The following SPON1 variants were observed in gnomAD, a reference collection of about 807,000 sequenced individuals.
The protein encoded by SPON1 is spondin 1.
SPON1 carries 52 observed loss-of-function variants against 111.7 expected under a neutral mutation model. That is an observed-to-expected ratio of 0.47 (90% CI 0.37 to 0.59). The LOEUF (loss-of-function observed/expected upper bound fraction) is 0.59. SPON1 is among the 20% of genes least tolerant of loss of function. The pLI is 0.00. For synonymous variants in SPON1, 410 were observed against 395.8 expected, an observed-to-expected ratio of 1.04 and a Z score of -0.43; for missense variants, 957 against 1,068.5, an observed-to-expected ratio of 0.90 and a Z score of 1.46.
chr11:14,127,054 A>C (rs1847467958), intron 5 of SPON1, among the ~76,000 whole-genome samples: 1 of 152,152 alleles, frequency 6.6e-6, no homozygotes, highest in Non-Finnish European at 1.5e-5. Flanking sequence ...TGCCTTACAG[A>C]AATGTGTCTG....
At chr11:14,254,258 G>T (rs1554940930) in intron 7 of SPON1, among the ~76,000 whole-genome samples, 1 of 152,210 alleles carries the variant, frequency 6.6e-6, no homozygotes, top group Non-Finnish European at 1.5e-5. Flanking sequence ...TCCAGCCTGG[G>T]TGACAGAGCA....
chr11:14,190,795 C>T (rs1026721983), intron 6 of SPON1, among the ~76,000 whole-genome samples: 5 of 151,834 alleles, frequency 3.3e-5, no homozygotes, highest in East Asian at 3.9e-4. Flanking sequence ...GGCCCGCCAC[C>T]GTGCCCAGCT....
chr11:13,980,028 C>CT (rs1321518598), intron 1 of SPON1, among the ~76,000 whole-genome samples: 1 of 151,338 alleles, frequency 6.6e-6, no homozygotes, highest in Non-Finnish European at 1.5e-5. Context: ...CTTTATTGTG[C>CT]TTTTTTTCCC....
At position 14,160,847 on chromosome 11, in the gene SPON1, ATATT is replaced by A. The variant is rs1564919595; in HGVS notation, c.825+25283_825+25286del. Among the ~76,000 whole-genome samples the A allele has an allele frequency of 8.6e-5, 4 of 46,776 alleles. No individual in the cohort carries two copies. In the Admixed American group the frequency reaches 1.8e-3, roughly 21 times the overall value. 30.7% of individuals were successfully genotyped at this position (46,776 alleles called of 152,430 possible). ...ATTTTATATATATTTATATATTTAT[ATATT>A]TATATATATTTATATATTTTTATAT... On this transcript the variant is annotated intron_variant, in intron 6 of 15. Transcript: ENST00000576479.
At chr11:14,210,834 T>C (rs1449996824) in intron 6 of SPON1, among the ~76,000 whole-genome samples, 2 of 152,246 alleles carry the variant, frequency 1.3e-5, no homozygotes, top group African/African-American at 4.8e-5. Context: ...TAGCCAGTTT[T>C]CCCAACACCA....
At chr11:14,091,495 G>C (rs1227573146) in intron 5 of SPON1, among the ~76,000 whole-genome samples, 1 of 152,214 alleles carries the variant, frequency 6.6e-6, no homozygotes, top group Non-Finnish European at 1.5e-5. Flanking sequence ...CTCAGGCTCG[G>C]TGAGAAATTG....
chr11:14,154,638 T>G (rs4757231), intron 6 of SPON1, among the ~76,000 whole-genome samples: 59,428 of 151,828 alleles, frequency 0.39, 11,836 homozygotes, highest in East Asian at 0.54. Context: ...TCCCATTGTC[T>G]TGGCTACTAA....
intron 3 of SPON1, among the ~76,000 whole-genome samples, chr11:14,072,380 A>G (rs1285906433): frequency 6.6e-6 from 1 of 152,094 alleles, no homozygotes; most frequent in Non-Finnish European, 1.5e-5. Flanking sequence ...CAAAAATTTG[A>G]GGGCAATTAC....
At chr11:13,973,334 A>T (rs1212568604) in intron 1 of SPON1, among the ~76,000 whole-genome samples, 1 of 152,224 alleles carries the variant, frequency 6.6e-6, no homozygotes, top group East Asian at 1.9e-4. Flanking sequence ...CCCAGTGACC[A>T]CAGGGTCAGA....
chr11:13,978,507 C>T (rs188994321), intron 1 of SPON1, among the ~76,000 whole-genome samples: 205 of 152,174 alleles, frequency 1.3e-3, no homozygotes, highest in Middle Eastern at 6.8e-3. Flanking sequence ...TAATCTAATT[C>T]GATACTCTTA....
chr11:14,056,058 C>T (rs539276916), intron 3 of SPON1, among the ~76,000 whole-genome samples: 4 of 152,296 alleles, frequency 2.6e-5, no homozygotes, highest in Non-Finnish European at 5.9e-5. Flanking sequence ...GGTGGACTTC[C>T]AGGTCAAGTG....
At chr11:14,234,867 G>A (rs939737404) in intron 6 of SPON1, among the ~76,000 whole-genome samples, 1 of 152,260 alleles carries the variant, frequency 6.6e-6, no homozygotes, top group Admixed American at 6.5e-5. Context: ...TCATCTTCTA[G>A]TGGATCTGCT....
At chr11:14,050,767 G>A (rs1296765654) in intron 3 of SPON1, among the ~76,000 whole-genome samples, 1 of 152,178 alleles carries the variant, frequency 6.6e-6, no homozygotes, top group South Asian at 2.1e-4. Flanking sequence ...CTTATGACAT[G>A]TGTCTCAGAA....
At chr11:13,964,510 G>A (rs1190614086) in intron 1 of SPON1, among the ~76,000 whole-genome samples, 1 of 152,204 alleles carries the variant, frequency 6.6e-6, no homozygotes, top group African/African-American at 2.4e-5. Context: ...CCCCTTTCCC[G>A]GGTTTGTGTC....
intron 3 of SPON1, among the ~76,000 whole-genome samples, chr11:14,065,034 A>G (rs934215750): frequency 5.3e-5 from 8 of 152,126 alleles, no homozygotes; most frequent in African/African-American, 1.9e-4. Context: ...GGAACCAATC[A>G]TGGTCTATGA....
intron 3 of SPON1, among the ~76,000 whole-genome samples, chr11:14,062,492 G>A (rs1848798933): frequency 6.6e-6 from 1 of 152,156 alleles, no homozygotes; most frequent in Non-Finnish European, 1.5e-5. Context: ...GCCAATCAGT[G>A]GCATTTGACC....
Position 14,261,998 on chromosome 11 carries a change from G to A in SPON1, c.1997-714G>A, listed in dbSNP as rs1591431474. Among the ~76,000 whole-genome samples, 3 of 152,126 alleles carry A rather than the reference G, an allele frequency of 2.0e-5. No homozygotes were observed. The East Asian group carries it at 5.8e-4, about 29-fold the overall frequency. ...CCTTGCAAGACCAACAGAGAGCTTG[G>A]AATAATTTACCTCCCTGGGACACAT... On this transcript the variant is annotated intron_variant, in intron 14 of 15. Coordinates refer to ENST00000576479, the MANE Select transcript of SPON1 (RefSeq NM_006108.4).
chr11:14,093,071 T>C (rs1316216044), intron 5 of SPON1, among the ~76,000 whole-genome samples: 1 of 152,196 alleles, frequency 6.6e-6, no homozygotes, highest in Non-Finnish European at 1.5e-5. Flanking sequence ...TGCCCCACTC[T>C]ACAAAAACCT....
intron 3 of SPON1, among the ~76,000 whole-genome samples, chr11:14,069,562 C>T (rs1401294583): frequency 6.6e-6 from 1 of 152,048 alleles, no homozygotes; most frequent in Non-Finnish European, 1.5e-5. Flanking sequence ...CATTGATTTC[C>T]AGTTTCCTTT....
Sources: allele counts gnomAD v4.1 joint callset (sites outside exome capture counted in the v4.1 genomes callset), GRCh38; gene constraint gnomAD v4.1.1; transcripts MANE v1.5; gene names NCBI Gene and HGNC (gene_info 2026-07-23, HGNC 2026-07-21).